Variants in PTPRT observed in about 807,000 individuals in gnomAD.
The protein encoded by PTPRT is receptor-type tyrosine-protein phosphatase T.
PTPRT carries 56 observed loss-of-function variants against 176.8 expected under a neutral mutation model. The observed-to-expected ratio is 0.32, with a 90% CI of 0.26 to 0.40. The LOEUF is 0.40. PTPRT is among the 10% of genes least tolerant of loss of function. The pLI, the probability that PTPRT is intolerant of heterozygous loss-of-function variation, is 1.00. For missense variants in PTPRT, 1,540 were observed against 1,908.2 expected (o/e 0.81, Z 3.60); for synonymous variants, 783 against 739.0 (o/e 1.06, Z -0.96).
At chr20:43,133,158 G>A (rs938057245) in intron 1 of PTPRT, among the ~76,000 whole-genome samples, 6 of 152,104 alleles carry the variant, frequency 3.9e-5, no homozygotes, top group Non-Finnish European at 7.4e-5. Flanking sequence ...TGGTGGTTTC[G>A]TAGGTGTATA....
chr20:42,383,320 G>C (rs6016768), intron 9 of PTPRT, among the ~76,000 whole-genome samples: 45 of 152,204 alleles, frequency 3.0e-4, no homozygotes, highest in African/African-American at 1.0e-3. Flanking sequence ...GCCTGGACTG[G>C]ATGCTGTGAT....
chr20:42,638,789 TA>T (rs1174792269), intron 7 of PTPRT, among the ~76,000 whole-genome samples: 1 of 152,166 alleles, frequency 6.6e-6, no homozygotes, highest in African/African-American at 2.4e-5. Flanking sequence ...TTTCTGCAAT[TA>T]AAAAATCCAT....
intron 9 of PTPRT, among the ~76,000 whole-genome samples, chr20:42,360,446 C>G (rs2058417839): frequency 6.6e-6 from 1 of 152,204 alleles, no homozygotes; most frequent in Non-Finnish European, 1.5e-5. Context: ...TAAGCTCTTT[C>G]TTCCTGAACT....
chr20:42,666,225 A>G (rs554348639), intron 7 of PTPRT, among the ~76,000 whole-genome samples: 2 of 152,286 alleles, frequency 1.3e-5, no homozygotes, highest in African/African-American at 4.8e-5. Context: ...CATACTTGTA[A>G]AGTGCTACCC....
intron 1 of PTPRT, among the ~76,000 whole-genome samples, chr20:43,091,738 G>T (rs536572638): frequency 6.6e-6 from 1 of 152,106 alleles, no homozygotes; most frequent in East Asian, 1.9e-4. Context: ...TTCCAGGACC[G>T]CAAGAAGAGC....
intron 7 of PTPRT, among the ~76,000 whole-genome samples, chr20:42,556,247 G>C (rs1040540116): frequency 2.6e-5 from 4 of 152,136 alleles, no homozygotes; most frequent in African/African-American, 9.7e-5. Flanking sequence ...TGAGGCACAT[G>C]GCCCTCTCCT....
chr20:43,062,366 A>C (rs2146255180), intron 1 of PTPRT, among the ~76,000 whole-genome samples: 1 of 152,360 alleles, frequency 6.6e-6, no homozygotes, highest in Non-Finnish European at 1.5e-5. Flanking sequence ...TCTGAGCCTT[A>C]GTTTCAGGCT....
At chr20:42,081,800 T>C (rs963271902) in intron 30 of PTPRT, 82 bp downstream of exon 30, 1 of 1,514,598 alleles carries the variant, frequency 6.6e-7, no homozygotes, top group African/African-American at 1.4e-5. Flanking sequence ...TGTTGAGTGA[T>C]GTTACTATTT....
At chr20:42,102,013 A>G (rs947078191) in intron 26 of PTPRT, 111 bp downstream of exon 26, 24 of 1,295,712 alleles carry the variant, frequency 1.9e-5, no homozygotes, top group Non-Finnish European at 2.6e-5. Flanking sequence ...GATCAGAAGC[A>G]GGGGGGGCTG....
intron 11 of PTPRT, among the ~76,000 whole-genome samples, chr20:42,325,178 C>A (rs887664625): frequency 6.6e-6 from 1 of 151,998 alleles, no homozygotes. Flanking sequence ...AAGGAAGGAA[C>A]CTACAGGGCA....
chr20:43,019,647 A>C (rs1024273143), intron 1 of PTPRT, among the ~76,000 whole-genome samples: 4 of 149,758 alleles, frequency 2.7e-5, no homozygotes, highest in African/African-American at 7.4e-5. Context: ...GAATAATTGG[A>C]CTGCCCCAGC....
At chr20:42,837,937 C>T (rs1600813750) in intron 2 of PTPRT, among the ~76,000 whole-genome samples, 2 of 152,172 alleles carry the variant, frequency 1.3e-5, no homozygotes, top group African/African-American at 4.8e-5. Context: ...AGATATCCAT[C>T]TGTCCTTTCG....
intron 9 of PTPRT, among the ~76,000 whole-genome samples, chr20:42,424,442 A>C (rs73906931): frequency 0.028 from 4,195 of 152,284 alleles, 66 homozygotes; most frequent in South Asian, 0.038. Context: ...AGCTGGTAGT[A>C]AACACCTTCC....
chr20:42,894,069 C>T (rs1008666431), intron 1 of PTPRT, among the ~76,000 whole-genome samples: 2 of 150,644 alleles, frequency 1.3e-5, no homozygotes, highest in Admixed American at 6.6e-5. Flanking sequence ...GCTCTGATCA[C>T]ATGAAGGGCC....
In PTPRT at chr20:42,209,819, C is replaced by A. The variant is rs529702907; in HGVS notation, c.2343-10431G>T. The stretch of plus-strand genomic sequence containing the variant: ...TTATGAGGCCAGCATCATTCTGATA[C>A]CAAAGCCTGGCAGAGACACAACAAA... On this transcript the variant is annotated intron_variant, in intron 15 of 30. Transcript: ENST00000373187. 2.7e-3 allele frequency among the ~76,000 whole-genome samples: 410 copies of A among 152,264 alleles called. 2 individuals carry two copies. The highest frequency in any genetic ancestry group is 4.5e-3 in the Non-Finnish European group (303 of 68,024).
At chr20:43,095,594 T>C (rs1019687694) in intron 1 of PTPRT, among the ~76,000 whole-genome samples, 6 of 150,720 alleles carry the variant, frequency 4.0e-5, no homozygotes, top group Admixed American at 3.3e-4. Context: ...CCCTCTCCTC[T>C]CTTTCTTCTC....
chr20:42,453,757 G>A (rs543749831), intron 8 of PTPRT, among the ~76,000 whole-genome samples: 4 of 147,756 alleles, frequency 2.7e-5, no homozygotes, highest in East Asian at 4.0e-4. Flanking sequence ...TGCAACCTCC[G>A]CCTCCTAGGT....
At chr20:42,435,234 G>C (rs900119641) in intron 9 of PTPRT, among the ~76,000 whole-genome samples, 2 of 152,034 alleles carry the variant, frequency 1.3e-5, no homozygotes, top group Non-Finnish European at 1.5e-5. Context: ...TGTATCCCTT[G>C]GCACTTACAA....
rs535189129 is a variant in PTPRT, at chr20:42,184,592, T to C, written c.2491+14648A>G. Among the ~76,000 whole-genome samples, 27 of 141,606 alleles carry C rather than the reference T, an allele frequency of 1.9e-4. 1 individual carries two copies. Among genetic ancestry groups the C allele is most frequent in the African/African-American group, 7.3e-4 (26 of 35,770 alleles). 92.9% of individuals were successfully genotyped at this position (141,606 alleles called of 152,430 possible). A position where few individuals can be genotyped will look rare whatever the true frequency, so the allele number is the denominator to read the frequency against. Reference sequence around the variant, plus strand: ...CTTCTTCTTCTTCTTCTTCTTCTTCTTCCTCTTCTTCTTCTTCTTCTTCTC... The same window carrying C: ...CTTCTTCTTCTTCTTCTTCTTCTTCCTCCTCTTCTTCTTCTTCTTCTTCTC... On this transcript the variant is annotated intron_variant, in intron 16 of 30. Coordinates refer to ENST00000373187, the MANE Select transcript of PTPRT (RefSeq NM_007050.6).
Sources: allele counts gnomAD v4.1 joint callset (sites outside exome capture counted in the v4.1 genomes callset), GRCh38; gene constraint gnomAD v4.1.1; transcripts MANE v1.5; gene names NCBI Gene and HGNC (gene_info 2026-07-23, HGNC 2026-07-21).